The following CEMIP variants were observed in gnomAD, a reference collection of about 807,000 sequenced individuals.
CEMIP encodes the protein cell migration-inducing and hyaluronan-binding protein.
A neutral mutation model predicts 156.9 loss-of-function variants in CEMIP; 105 were observed. The observed-to-expected ratio is 0.67, with a 90% CI of 0.57 to 0.79. The LOEUF is 0.79. CEMIP is among the 30% of genes least tolerant of loss of function. CEMIP has a pLI of 0.00. For synonymous variants in CEMIP, 676 were observed against 668.4 expected, an observed-to-expected ratio of 1.01 and a Z score of -0.17; for missense variants, 1,457 against 1,769.4, an observed-to-expected ratio of 0.82 and a Z score of 3.17.
intron 1 of CEMIP, among the ~76,000 whole-genome samples, chr15:80,811,522 C>T (rs1445629295): frequency 1.3e-5 from 2 of 152,204 alleles, no homozygotes; most frequent in African/African-American, 2.4e-5. Context: ...ATGAATGTCC[C>T]ATTTTAAACC....
rs113435778 is a variant in CEMIP at position 80,943,735 on chromosome 15, G to C, written c.3857+633G>C. Among the ~76,000 whole-genome samples the C allele has an allele frequency of 8.5e-5, 13 of 152,152 alleles. No homozygotes were observed. The Middle Eastern group carries it at 0.01, about 119-fold the overall frequency. On this transcript the variant is annotated intron_variant, in intron 28 of 29. Transcript: ENST00000394685. Reference sequence around the variant, plus strand: ...CTCGCCTGCTGGTTCCCTCCACAGCGTCCTCTCTTCTGCCACTCTGCCCCG... The same window carrying C: ...CTCGCCTGCTGGTTCCCTCCACAGCCTCCTCTCTTCTGCCACTCTGCCCCG...
At chr15:80,860,438 G>A (rs1381059552) in intron 1 of CEMIP, among the ~76,000 whole-genome samples, 1 of 152,194 alleles carries the variant, frequency 6.6e-6, no homozygotes, top group Non-Finnish European at 1.5e-5. Context: ...TGATGTACTT[G>A]CAGTGCCTGG....
At chr15:80,871,443 T>C (rs1233867735) in intron 1 of CEMIP, among the ~76,000 whole-genome samples, 2 of 152,224 alleles carry the variant, frequency 1.3e-5, no homozygotes, top group African/African-American at 4.8e-5. Context: ...TGAAATCATC[T>C]GTGATATAAT....
At chr15:80,808,629 T>C (rs1273984313) in intron 1 of CEMIP, among the ~76,000 whole-genome samples, 1 of 151,864 alleles carries the variant, frequency 6.6e-6, no homozygotes, top group Admixed American at 6.6e-5. Flanking sequence ...GAAATAACTA[T>C]AGCATGGAAA....
chr15:80,841,446 A>G (rs1197570908), intron 1 of CEMIP, among the ~76,000 whole-genome samples: 2 of 152,128 alleles, frequency 1.3e-5, no homozygotes, highest in African/African-American at 4.8e-5. Context: ...TGCTCCTCCT[A>G]AAGGGCAGGC....
intron 1 of CEMIP, among the ~76,000 whole-genome samples, chr15:80,790,678 CT>C (rs1896059227): frequency 1.3e-5 from 2 of 152,122 alleles, no homozygotes; most frequent in Non-Finnish European, 2.9e-5. Context: ...CAAATCTTGA[CT>C]TTTGAAAAAA....
intron 1 of CEMIP, among the ~76,000 whole-genome samples, chr15:80,841,134 G>C (rs1395923): frequency 0.021 from 3,234 of 152,312 alleles, 135 homozygotes; most frequent in African/African-American, 0.075. Context: ...TGCCATGTGG[G>C]AATTTGGACC....
At chr15:80,817,600 C>CG (rs1283192505) in intron 1 of CEMIP, among the ~76,000 whole-genome samples, 106 of 57,100 alleles carry the variant, frequency 1.9e-3, no homozygotes, top group African/African-American at 5.3e-3. Context: ...GACCCTGTCT[C>CG]AAAATAATAA....
At chr15:80,937,690 T>G (rs1901181207) in intron 24 of CEMIP, 104 bp from the exon 25 acceptor site, 1 of 986,076 alleles carries the variant, frequency 1.0e-6, no homozygotes, top group Non-Finnish European at 1.6e-6. Flanking sequence ...AAAGTGGAGG[T>G]GTCATTTGGT....
At chr15:80,866,643 AGGTGTGGT>A (rs777912415) in intron 1 of CEMIP, among the ~76,000 whole-genome samples, 15 of 151,066 alleles carry the variant, frequency 9.9e-5, no homozygotes, top group Non-Finnish European at 1.8e-4. Flanking sequence ...AAAATAAGCC[AGGTGTGGT>A]GGCACATGCC....
intron 1 of CEMIP, among the ~76,000 whole-genome samples, chr15:80,851,175 G>A (rs938186925): frequency 6.6e-6 from 1 of 151,916 alleles, no homozygotes; most frequent in African/African-American, 2.4e-5. Context: ...GAGGGGCAGG[G>A]CATAGAGGAG....
intron 1 of CEMIP, among the ~76,000 whole-genome samples, chr15:80,827,360 A>G (rs1897059718): frequency 6.6e-6 from 1 of 152,180 alleles, no homozygotes; most frequent in African/African-American, 2.4e-5. Flanking sequence ...AAAGTCAACG[A>G]CCTGCACAGC....
intron 28 of CEMIP, 148 bp downstream of exon 28, chr15:80,943,250 T>G: frequency 1.1e-6 from 1 of 907,656 alleles, no homozygotes; most frequent in Non-Finnish European, 1.8e-6. Flanking sequence ...TCATGGGTGT[T>G]GGACAAGAGC....
chr15:80,948,017 A>T (rs1289522860), intron 29 of CEMIP: 1 of 152,732 alleles, frequency 6.5e-6, no homozygotes, highest in Non-Finnish European at 1.5e-5. Flanking sequence ...CCTTCAAACC[A>T]GCCAAAGGAG....
At chr15:80,852,246 A>G (rs114161651) in intron 1 of CEMIP, among the ~76,000 whole-genome samples, 4,438 of 152,288 alleles carry the variant, frequency 0.029, 204 homozygotes, top group African/African-American at 0.091. Context: ...AATTTGGACA[A>G]ATCACTTAAC....
intron 7 of CEMIP, among the ~76,000 whole-genome samples, chr15:80,885,889 A>G (rs1437376098): frequency 6.6e-6 from 1 of 152,252 alleles, no homozygotes; most frequent in East Asian, 1.9e-4. Flanking sequence ...GGCTGTTCAC[A>G]TGGGCAAAGG....
intron 1 of CEMIP, among the ~76,000 whole-genome samples, chr15:80,798,083 AC>A (rs1469758149): frequency 6.6e-6 from 1 of 152,182 alleles, no homozygotes; most frequent in Non-Finnish European, 1.5e-5. Flanking sequence ...TATACATATT[AC>A]ACATTTTTCC....
intron 1 of CEMIP, among the ~76,000 whole-genome samples, chr15:80,830,151 C>T (rs996550827): frequency 9.2e-5 from 14 of 152,282 alleles, no homozygotes; most frequent in African/African-American, 3.4e-4. Context: ...GTTTCCTGGT[C>T]CAGGCTGATG....
intron 24 of CEMIP, among the ~76,000 whole-genome samples, chr15:80,937,186 C>T (rs770618470): frequency 4.6e-5 from 7 of 152,186 alleles, no homozygotes; most frequent in African/African-American, 1.7e-4. Flanking sequence ...TAAGGTATGG[C>T]GGGCACCCAG....
Sources: gnomAD v4.1 joint callset for allele counts (sites outside exome capture counted in the v4.1 genomes callset) on GRCh38, gnomAD v4.1.1 for gene constraint, MANE v1.5 for transcripts, NCBI Gene and HGNC (gene_info 2026-07-23, HGNC 2026-07-21) for gene names.